The following CDH18 variants were observed in gnomAD, a reference collection of about 807,000 sequenced individuals.
CDH18 encodes the protein cadherin-18.
In CDH18, 31 loss-of-function variants were observed where a neutral mutation model predicts 67.9. The observed-to-expected ratio is 0.46, with a 90% confidence interval of 0.34 to 0.62. CDH18 has a LOEUF of 0.62. Ranked by LOEUF, CDH18 falls within the 20% of genes least tolerant of loss-of-function variation. The pLI is 0.01. For missense variants in CDH18, 890 were observed against 975.5 expected (o/e 0.91, Z 1.17); for synonymous variants, 362 against 347.2 (o/e 1.04, Z -0.48).
At chr5:19,853,451 C>T (rs1238489580) in intron 2 of CDH18, among the ~76,000 whole-genome samples, 1 of 152,118 alleles carries the variant, frequency 6.6e-6, no homozygotes, top group Non-Finnish European at 1.5e-5. Flanking sequence ...AACACAAACA[C>T]TCAGTCCATA....
At chr5:20,198,216 G>A (rs372894094) in intron 2 of CDH18, among the ~76,000 whole-genome samples, 8 of 152,156 alleles carry the variant, frequency 5.3e-5, no homozygotes, top group Non-Finnish European at 7.4e-5. Flanking sequence ...TTTGGAACTC[G>A]GTAACAGACA....
intron 1 of CDH18, among the ~76,000 whole-genome samples, chr5:20,428,718 G>C (rs982631113): frequency 6.6e-6 from 1 of 152,044 alleles, no homozygotes; most frequent in South Asian, 2.1e-4. Context: ...TTTTTCATAT[G>C]TTTGTGACCC....
At chr5:19,704,477 C>T (rs764450999) in intron 5 of CDH18, among the ~76,000 whole-genome samples, 1 of 152,156 alleles carries the variant, frequency 6.6e-6, no homozygotes, top group Admixed American at 6.5e-5. Context: ...ATTATACAGC[C>T]CTCAAGGTCA....
At chr5:20,185,750 T>C (rs900461490) in intron 2 of CDH18, among the ~76,000 whole-genome samples, 1 of 152,066 alleles carries the variant, frequency 6.6e-6, no homozygotes, top group Admixed American at 6.6e-5. Context: ...CTACCTTATA[T>C]GGCATTTTAA....
chr5:19,911,047 T>A (rs994052656), intron 2 of CDH18, among the ~76,000 whole-genome samples: 8 of 152,026 alleles, frequency 5.3e-5, no homozygotes, highest in African/African-American at 9.7e-5. Context: ...AATCTTTCAA[T>A]GCCTGTAAGC....
intron 5 of CDH18, among the ~76,000 whole-genome samples, chr5:19,688,801 T>C (rs1375703200): frequency 6.6e-6 from 1 of 152,028 alleles, no homozygotes; most frequent in Non-Finnish European, 1.5e-5. Flanking sequence ...TGAAAACTTA[T>C]TCATGTCCTA....
At chr5:19,887,994 C>A (rs1301846709) in intron 2 of CDH18, among the ~76,000 whole-genome samples, 1 of 152,086 alleles carries the variant, frequency 6.6e-6, no homozygotes, top group African/African-American at 2.4e-5. Context: ...GGTGTGGCCA[C>A]CACCTATATC....
At chr5:20,341,840 A>G (rs769454839) in intron 1 of CDH18, among the ~76,000 whole-genome samples, 13 of 151,896 alleles carry the variant, frequency 8.6e-5, no homozygotes, top group Non-Finnish European at 1.8e-4. Flanking sequence ...TGCATATGAC[A>G]CTCCTGATTC....
At chr5:19,550,415 C>G (rs1414632171) in intron 8 of CDH18, among the ~76,000 whole-genome samples, 1 of 151,324 alleles carries the variant, frequency 6.6e-6, no homozygotes, top group South Asian at 2.1e-4. Context: ...CCTCCCCACT[C>G]CCCCCACCCC....
intron 5 of CDH18, among the ~76,000 whole-genome samples, chr5:19,675,372 C>T (rs192482910): frequency 1.1e-4 from 17 of 152,054 alleles, no homozygotes; most frequent in Admixed American, 3.3e-4. Context: ...AGCCTGGGAG[C>T]GCTACTGGAG....
At chr5:19,733,392 T>C (rs866422174) in intron 4 of CDH18, among the ~76,000 whole-genome samples, 1 of 152,184 alleles carries the variant, frequency 6.6e-6, no homozygotes, top group Non-Finnish European at 1.5e-5. Flanking sequence ...CTTTATCCTA[T>C]GCCTATAAAA....
chr5:19,763,951 C>A (rs892495499), intron 3 of CDH18, among the ~76,000 whole-genome samples: 4 of 142,784 alleles, frequency 2.8e-5, no homozygotes, highest in Non-Finnish European at 4.5e-5. Context: ...GAATTTGAGA[C>A]CAGCCTGACC....
At chr5:19,705,450 T>C (rs1167969696) in intron 5 of CDH18, among the ~76,000 whole-genome samples, 1 of 152,160 alleles carries the variant, frequency 6.6e-6, no homozygotes, top group Non-Finnish European at 1.5e-5. Context: ...CCATTTGCTA[T>C]CCTTAGAGGA....
Position 19,483,380 on chromosome 5 carries a change from A to G in CDH18, c.1803T>C (p.His601=). Residue 601 remains histidine (H), a synonymous_variant, in exon 12 of 13, where the codon CAT becomes CAC. Coordinates refer to ENST00000382275, the MANE Select transcript of CDH18 (RefSeq NM_004934.5). ...CERDGRVRTC[H]AEAFLSSAGL... is the part of the protein sequence containing the mutation. Reference sequence around the variant, plus strand: ...CAGCCGAGGACAGGAAGGCTTCTGCATGGCAGGTCCGCACACGCCCATCTC... The same window carrying G: ...CAGCCGAGGACAGGAAGGCTTCTGCGTGGCAGGTCCGCACACGCCCATCTC... 6.2e-7 allele frequency: 1 copy of G among 1,614,130 alleles called. No homozygotes were observed. Among genetic ancestry groups the G allele is most frequent in the Non-Finnish European group, 8.5e-7 (1 of 1,180,014 alleles).
At chr5:20,550,240 C>T (rs1230869244) in intron 1 of CDH18, among the ~76,000 whole-genome samples, 3 of 151,966 alleles carry the variant, frequency 2.0e-5, no homozygotes, top group East Asian at 3.9e-4. Context: ...AAAACCAATA[C>T]TGGGTGTATT....
intron 2 of CDH18, among the ~76,000 whole-genome samples, chr5:19,948,875 G>A (rs1299918051): frequency 6.6e-6 from 1 of 152,116 alleles, no homozygotes; most frequent in African/African-American, 2.4e-5. Context: ...TGTGCCCAGA[G>A]TTTGCTCAAG....
chr5:19,652,736 G>A (rs1755764871), intron 5 of CDH18, among the ~76,000 whole-genome samples: 1 of 152,124 alleles, frequency 6.6e-6, no homozygotes, highest in Non-Finnish European at 1.5e-5. Context: ...GAATTGTGGA[G>A]TACAGATTGC....
chr5:19,647,357 C>A (rs1754909085), intron 5 of CDH18, among the ~76,000 whole-genome samples: 1 of 112,612 alleles, frequency 8.9e-6, no homozygotes, highest in Admixed American at 9.9e-5. Context: ...CCCGTCTCTA[C>A]TAAAAATAAC....
intron 1 of CDH18, among the ~76,000 whole-genome samples, chr5:20,529,219 C>T (rs1756251638): frequency 6.6e-6 from 1 of 151,498 alleles, no homozygotes; most frequent in South Asian, 2.1e-4. Flanking sequence ...CTGAATAGAC[C>T]AATAACAAGT....
Sources: allele counts gnomAD v4.1 joint callset (sites outside exome capture counted in the v4.1 genomes callset), GRCh38; gene constraint gnomAD v4.1.1; transcripts MANE v1.5; gene names NCBI Gene and HGNC (gene_info 2026-07-23, HGNC 2026-07-21).